Variants in TNS1 observed in about 807,000 individuals in gnomAD.
TNS1 encodes the protein tensin-1.
Under a neutral mutation model 168.6 loss-of-function variants are expected in TNS1, and 62 were observed. The ratio of observed to expected loss-of-function variants is 0.37; its 90% CI spans 0.30 to 0.45. TNS1 has a LOEUF of 0.45. TNS1 is among the 20% of genes least tolerant of loss of function. The pLI is 1.00. For synonymous variants in TNS1, 934 were observed against 933.2 expected, an observed-to-expected ratio of 1.00 and a Z score of -0.02; for missense variants, 2,240 against 2,339.4, an observed-to-expected ratio of 0.96 and a Z score of 0.88.
intron 30 of TNS1, 117 bp downstream of exon 30, chr2:217,809,706 G>A: frequency 1.9e-6 from 2 of 1,071,736 alleles, no homozygotes; most frequent in African/African-American, 1.6e-5. Context: ...TGGATGAGAA[G>A]GTAGATGAGC....
chr2:217,946,058 C>A (rs1401271512), intron 3 of TNS1, among the ~76,000 whole-genome samples: 1 of 152,226 alleles, frequency 6.6e-6, no homozygotes, highest in African/African-American at 2.4e-5. Context: ...CCACTGCCTG[C>A]TACTTCCAGT....
At chr2:217,911,412 C>A (rs1191093959) in intron 4 of TNS1, among the ~76,000 whole-genome samples, 1 of 152,234 alleles carries the variant, frequency 6.6e-6, no homozygotes, top group Non-Finnish European at 1.5e-5. Flanking sequence ...TGCTCTCACT[C>A]TGAGGTCCTG....
At chr2:218,029,049 A>C (rs1369443024) in intron 1 of TNS1, among the ~76,000 whole-genome samples, 2 of 152,174 alleles carry the variant, frequency 1.3e-5, no homozygotes, top group East Asian at 3.9e-4. Context: ...ATAGCAAACA[A>C]ATAGAGGGTG....
chr2:217,871,478 C>T (rs1223124233), intron 18 of TNS1, among the ~76,000 whole-genome samples: 3 of 152,220 alleles, frequency 2.0e-5, no homozygotes, highest in African/African-American at 7.2e-5. Context: ...TGTATCACTC[C>T]CCAGGAACCT....
rs143437561 is a variant in TNS1 at position 218,009,065 on chromosome 2, G to T, written c.96+1035C>A. ...TCCTGTAACTAGCCTAAGGTCTACA[G>T]CTGGTAAAGCCAGAATTCAAACCCA... is the stretch of plus-strand genomic sequence containing the variant. On this transcript the variant is annotated intron_variant, in intron 1 of 32. Transcript: ENST00000646520. Among the ~76,000 whole-genome samples, 812 of 152,342 alleles carry T rather than the reference G, an allele frequency of 5.3e-3. 8 individuals carry two copies. Among genetic ancestry groups the T allele is most frequent in the Non-Finnish European group, 8.8e-3 (598 of 68,032 alleles).
chr2:217,802,574 G>C lies in TNS1; in HGVS notation c.*1885C>G, dbSNP rs533082046. ...GTAAGGGGGCCAAAGGCTGGGACAT[G>C]TGCAACCCCTCCCAATGCTGAGCCC... On this transcript the variant is annotated 3_prime_UTR_variant, in exon 33 of 33. Transcript: ENST00000682258. The C allele has an allele frequency of 1.3e-5, 2 of 152,258 alleles. No individual in the cohort carries two copies. Among genetic ancestry groups the C allele is most frequent in the Non-Finnish European group, 2.9e-5 (2 of 68,072 alleles). 9.4% of individuals were successfully genotyped at this position (152,258 alleles called of 1,614,324 possible).
chr2:217,837,849 A>G (rs2125339764), intron 19 of TNS1, among the ~76,000 whole-genome samples: 1 of 152,366 alleles, frequency 6.6e-6, no homozygotes, highest in South Asian at 2.1e-4. Context: ...CCTGAAGGAA[A>G]GAAGGGCGTG....
intron 1 of TNS1, among the ~76,000 whole-genome samples, chr2:218,015,982 A>G (rs1312020498): frequency 1.3e-5 from 2 of 151,090 alleles, no homozygotes; most frequent in Non-Finnish European, 3.0e-5. Flanking sequence ...TGTCTAATTG[A>G]TTCTGATGGA....
intron 3 of TNS1, among the ~76,000 whole-genome samples, chr2:217,960,730 CCCTGTCCCCCTT>C (rs1957475349): frequency 6.6e-6 from 1 of 152,144 alleles, no homozygotes; most frequent in Non-Finnish European, 1.5e-5. Context: ...TCCTTCAGTC[CCCTGTCCCCCTT>C]CCAGTCTCCC....
At chr2:218,003,731 T>C (rs372017700), upstream of TNS1, among the ~76,000 whole-genome samples, 1 of 152,132 alleles carries the variant, frequency 6.6e-6, no homozygotes, top group East Asian at 1.9e-4. Context: ...AGTGTGTTTT[T>C]CTTGACTGTA....
rs1424285621 is a variant in TNS1, at chr2:217,936,609, C to T, written c.187-16373G>A. On this transcript the variant is annotated intron_variant, in intron 3 of 32. Transcript: ENST00000682258. Reference sequence around the variant, plus strand: ...CTAGGACTCCCCTGCCCAGTACAGCCGTCACAGTGGCCCAAATGCCCTTCC... The same window carrying T: ...CTAGGACTCCCCTGCCCAGTACAGCTGTCACAGTGGCCCAAATGCCCTTCC... Among the ~76,000 whole-genome samples the T allele has an allele frequency of 3.3e-5, 5 of 152,136 alleles. No homozygotes were observed. In the East Asian group the frequency reaches 5.8e-4, roughly 18 times the overall value.
intron 24 of TNS1, among the ~76,000 whole-genome samples, chr2:217,816,920 A>G (rs1337881256): frequency 6.6e-6 from 1 of 152,228 alleles, no homozygotes; most frequent in Non-Finnish European, 1.5e-5. Context: ...GCCACTGTGC[A>G]CACAGTCAAG....
chr2:217,984,146 C>T (rs571912740), intron 2 of TNS1, among the ~76,000 whole-genome samples: 1 of 152,308 alleles, frequency 6.6e-6, no homozygotes, highest in African/African-American at 2.4e-5. Context: ...AGATTTTGAA[C>T]CTGCCACAGC....
chr2:217,950,483 G>C (rs1040292828), intron 3 of TNS1, among the ~76,000 whole-genome samples: 1 of 152,070 alleles, frequency 6.6e-6, no homozygotes. Flanking sequence ...GCCACACCCC[G>C]AGAGCTGACC....
At position 217,956,468 on chromosome 2, in the gene TNS1, G is replaced by C. The variant is rs753018817; in HGVS notation, c.186+22297C>G. 5.2e-4 allele frequency among the ~76,000 whole-genome samples: 79 copies of C among 152,018 alleles called. 1 individual carries two copies. Among genetic ancestry groups the C allele is most frequent in the Non-Finnish European group, 8.2e-4 (56 of 68,004 alleles). ...AGAACAAAGAAATAAAGACAGGGAGGGGGATCTGAAACACCCGAAGGAGCA... is the reference window on the plus strand; with the variant it reads ...AGAACAAAGAAATAAAGACAGGGAGCGGGATCTGAAACACCCGAAGGAGCA... On this transcript the variant is annotated intron_variant, in intron 3 of 32. Transcript: ENST00000682258.
intron 5 of TNS1, 44 bp downstream of exon 5, chr2:217,907,166 C>T (rs1033019781): frequency 2.8e-6 from 2 of 702,972 alleles, no homozygotes. Flanking sequence ...CTCACACCTG[C>T]CCAGGCTGTT....
At chr2:217,805,167 C>T (rs1055410859) in intron 32 of TNS1, among the ~76,000 whole-genome samples, 5 of 151,844 alleles carry the variant, frequency 3.3e-5, no homozygotes, top group African/African-American at 1.2e-4. Context: ...ACCCCACACC[C>T]GTTCCCCACC....
intron 21 of TNS1, among the ~76,000 whole-genome samples, chr2:217,834,392 G>A (rs1559195505): frequency 6.6e-6 from 1 of 152,194 alleles, no homozygotes; most frequent in South Asian, 2.1e-4. Context: ...TGAGTCCCTC[G>A]TGGCCTGGTA....
chr2:217,917,503 C>T (rs1020008328), intron 4 of TNS1, among the ~76,000 whole-genome samples: 4 of 152,022 alleles, frequency 2.6e-5, no homozygotes, highest in Admixed American at 6.6e-5. Flanking sequence ...AGACTGGGTG[C>T]TGGGGAAAGG....
Sources: gnomAD v4.1 joint callset for allele counts (sites outside exome capture counted in the v4.1 genomes callset) on GRCh38, gnomAD v4.1.1 for gene constraint, MANE v1.5 for transcripts, NCBI Gene and HGNC (gene_info 2026-07-23, HGNC 2026-07-21) for gene names.